Variants in OTUD7A observed in about 807,000 individuals in gnomAD.
OTUD7A encodes OTU deubiquitinase 7A, also known as OTU domain-containing protein 7A.
OTUD7A carries 12 observed loss-of-function variants against 65.7 expected under a neutral mutation model. That is an observed-to-expected ratio of 0.18 (90% CI 0.12 to 0.30). OTUD7A has a LOEUF of 0.30. Ranked by LOEUF, OTUD7A falls within the 10% of genes least tolerant of loss-of-function variation. The pLI is 1.00. For missense variants in OTUD7A, 1,148 were observed against 1,304.8 expected (o/e 0.88, Z 1.85); for synonymous variants, 641 against 586.3 (o/e 1.09, Z -1.35).
chr15:31,719,994 ATATAC>A (rs1457837507), intron 1 of OTUD7A, among the ~76,000 whole-genome samples: 1 of 152,214 alleles, frequency 6.6e-6, no homozygotes, highest in Non-Finnish European at 1.5e-5. Context: ...TATGACACAT[ATATAC>A]TATATTTTTT....
chr15:31,488,818 C>T (rs747731362), intron 10 of OTUD7A, among the ~76,000 whole-genome samples: 2 of 152,238 alleles, frequency 1.3e-5, no homozygotes, highest in Non-Finnish European at 2.9e-5. Flanking sequence ...TCTCCACCCC[C>T]GCACCTCTTC....
At chr15:31,691,053 T>C (rs940093516) in intron 1 of OTUD7A, among the ~76,000 whole-genome samples, 1 of 152,076 alleles carries the variant, frequency 6.6e-6, no homozygotes, top group African/African-American at 2.4e-5. Context: ...GGGATTAATA[T>C]CCATAACATA....
chr15:31,624,894 C>T (rs544602000), intron 3 of OTUD7A, among the ~76,000 whole-genome samples: 2 of 152,274 alleles, frequency 1.3e-5, no homozygotes, highest in South Asian at 4.2e-4. Context: ...ACGGGGTGGC[C>T]ACCCTCCAAG....
At position 31,567,729 on chromosome 15, in the gene OTUD7A, G is replaced by A. The variant is rs182449600; in HGVS notation, c.331+2289C>T. On this transcript the variant is annotated intron_variant, in intron 4 of 12. Transcript: ENST00000307050. The stretch of plus-strand genomic sequence containing the variant: ...TTGGAAAGAATGGTTTCATGGGCCA[G>A]GCCCAGGGCCCCGCTACCTTGTGTA... 3.9e-5 allele frequency among the ~76,000 whole-genome samples: 6 copies of A among 152,346 alleles called. No homozygotes were observed. The East Asian group carries it at 9.6e-4, about 24-fold the overall frequency.
chr15:31,830,463 C>T (rs552533252), intron 1 of OTUD7A, among the ~76,000 whole-genome samples: 1 of 152,222 alleles, frequency 6.6e-6, no homozygotes, highest in Non-Finnish European at 1.5e-5. Context: ...TTGAGGGGTA[C>T]TGTCTTCATT....
At chr15:31,592,748 T>C (rs7166285) in intron 3 of OTUD7A, among the ~76,000 whole-genome samples, 47,824 of 149,714 alleles carry the variant, frequency 0.32, 9,842 homozygotes, top group African/African-American at 0.59. Flanking sequence ...TGCTTGGTGA[T>C]GAGCGCCTGT....
chr15:31,523,349 C>G (rs776058036), intron 8 of OTUD7A, among the ~76,000 whole-genome samples: 24 of 152,214 alleles, frequency 1.6e-4, no homozygotes, highest in Non-Finnish European at 3.4e-4. Context: ...CCGCTGGGCT[C>G]GCTGGAGGTC....
At chr15:31,821,147 T>C (rs1166158788) in intron 1 of OTUD7A, among the ~76,000 whole-genome samples, 2 of 144,374 alleles carry the variant, frequency 1.4e-5, no homozygotes, top group Non-Finnish European at 3.0e-5. Flanking sequence ...TTTTTTTTTT[T>C]TTTTTTTGAG....
At chr15:31,610,908 C>T (rs1055567781) in intron 3 of OTUD7A, among the ~76,000 whole-genome samples, 4 of 151,586 alleles carry the variant, frequency 2.6e-5, no homozygotes, top group Non-Finnish European at 5.9e-5. Flanking sequence ...GGATTACAGG[C>T]GTGAGCCACC....
At chr15:31,869,318 G>T (rs973402754) in intron 1 of OTUD7A, among the ~76,000 whole-genome samples, 6 of 152,220 alleles carry the variant, frequency 3.9e-5, no homozygotes, top group Admixed American at 3.9e-4. Flanking sequence ...CTGCCTCCCC[G>T]CCTTCGCCCA....
intron 3 of OTUD7A, among the ~76,000 whole-genome samples, chr15:31,618,910 C>G (rs1259979846): frequency 6.6e-6 from 1 of 152,126 alleles, no homozygotes; most frequent in African/African-American, 2.4e-5. Flanking sequence ...GGTTTTAGGT[C>G]TAATGTTTAA....
chr15:31,506,090 GTTAT>G (rs999059901), intron 8 of OTUD7A, among the ~76,000 whole-genome samples: 17 of 151,884 alleles, frequency 1.1e-4, no homozygotes, highest in African/African-American at 3.4e-4. Flanking sequence ...TAGAAAAAGG[GTTAT>G]TTATTTTAGA....
At chr15:31,546,230 T>C (rs1888127180) in intron 5 of OTUD7A, among the ~76,000 whole-genome samples, 1 of 152,228 alleles carries the variant, frequency 6.6e-6, no homozygotes, top group Non-Finnish European at 1.5e-5. Flanking sequence ...AATGTGTTCA[T>C]GGCTTACCAG....
intron 10 of OTUD7A, among the ~76,000 whole-genome samples, chr15:31,489,484 G>C (rs1182473613): frequency 1.3e-5 from 2 of 152,118 alleles, no homozygotes; most frequent in Non-Finnish European, 2.9e-5. Flanking sequence ...ACCACTCCAT[G>C]TCTTAGCCAC....
At chr15:31,649,481 C>T (rs530062056) in intron 3 of OTUD7A, among the ~76,000 whole-genome samples, 1 of 152,294 alleles carries the variant, frequency 6.6e-6, no homozygotes, top group African/African-American at 2.4e-5. Context: ...GCTTTTGCCA[C>T]CATGAGGATT....
intron 8 of OTUD7A, among the ~76,000 whole-genome samples, chr15:31,510,557 CATACAT>C (rs2141095137): frequency 8.9e-6 from 1 of 112,866 alleles, no homozygotes; most frequent in African/African-American, 3.3e-5. Context: ...CTATATGTAA[CATACAT>C]ATGTATATCT....
chr15:31,640,807 T>C (rs1891491427), intron 3 of OTUD7A, among the ~76,000 whole-genome samples: 1 of 152,206 alleles, frequency 6.6e-6, no homozygotes, highest in Non-Finnish European at 1.5e-5. Flanking sequence ...CATTAGCTTA[T>C]TCATCATTTC....
At chr15:31,626,064 A>T (rs1398764208) in intron 3 of OTUD7A, among the ~76,000 whole-genome samples, 2 of 152,150 alleles carry the variant, frequency 1.3e-5, no homozygotes, top group African/African-American at 4.8e-5. Flanking sequence ...GAAGTGAGGA[A>T]ACTTTTTGAA....
At chr15:31,674,586 G>T (rs752250269) in intron 1 of OTUD7A, among the ~76,000 whole-genome samples, 12 of 152,136 alleles carry the variant, frequency 7.9e-5, no homozygotes, top group Non-Finnish European at 1.6e-4. Context: ...CTAGCACCCA[G>T]GGATGAAATG....
Sources: allele counts gnomAD v4.1 joint callset (sites outside exome capture counted in the v4.1 genomes callset), GRCh38; gene constraint gnomAD v4.1.1; transcripts MANE v1.5; gene names NCBI Gene and HGNC (gene_info 2026-07-23, HGNC 2026-07-21).